The following DIAPH2 variants were observed in gnomAD, a reference collection of about 807,000 sequenced individuals.
The protein encoded by DIAPH2 is protein diaphanous homolog 2.
Under a neutral mutation model 92.7 loss-of-function variants are expected in DIAPH2, and 35 were observed. The ratio of observed to expected loss-of-function variants is 0.38; its 90% CI spans 0.29 to 0.50. DIAPH2 has a LOEUF of 0.50. Ranked by LOEUF, DIAPH2 falls within the 20% of genes least tolerant of loss-of-function variation. DIAPH2 has a pLI of 0.94. For missense variants in DIAPH2, 701 were observed against 819.5 expected, an observed-to-expected ratio of 0.86 and a Z score of 1.77; for synonymous variants, 301 against 280.4, an observed-to-expected ratio of 1.07 and a Z score of -0.73.
At chrX:96,733,703 G>C (rs2064070006) in intron 1 of DIAPH2, among the ~76,000 whole-genome samples, 1 of 111,693 alleles carries the variant, frequency 9.0e-6, no homozygotes, top group Non-Finnish European at 1.9e-5. Flanking sequence ...AGATAGATTA[G>C]GAAGTCACTA....
chrX:97,474,431 C>T (rs904732881), intron 26 of DIAPH2, among the ~76,000 whole-genome samples: 1 of 111,682 alleles, frequency 9.0e-6, no homozygotes, highest in African/African-American at 3.3e-5. Flanking sequence ...AGTTTTAAAC[C>T]TTTTCAAATA....
chrX:96,939,977 T>A (rs1390436508), intron 12 of DIAPH2, among the ~76,000 whole-genome samples: 1 of 107,969 alleles, frequency 9.3e-6, no homozygotes, highest in African/African-American at 3.4e-5. Context: ...TAACATTTTT[T>A]AAAAGGTGTT....
intron 21 of DIAPH2, among the ~76,000 whole-genome samples, chrX:97,116,085 A>G: frequency 8.9e-6 from 1 of 112,152 alleles, no homozygotes; most frequent in Non-Finnish European, 1.9e-5. Context: ...GAAGTATATT[A>G]TAATGAGAAT....
intron 20 of DIAPH2, among the ~76,000 whole-genome samples, chrX:97,101,173 T>C (rs1225141000): frequency 9.0e-6 from 1 of 111,280 alleles, no homozygotes; most frequent in Non-Finnish European, 1.9e-5. Flanking sequence ...AGCAAGGGTA[T>C]ATACCCTCTG....
intron 4 of DIAPH2, among the ~76,000 whole-genome samples, chrX:96,853,585 A>G (rs1050296079): frequency 1.6e-4 from 18 of 111,229 alleles, no homozygotes; most frequent in African/African-American, 4.9e-4. Flanking sequence ...AATGTATTCA[A>G]ATACATTCAC....
chrX:97,232,378 G>T (rs1163207020), intron 22 of DIAPH2, among the ~76,000 whole-genome samples: 1 of 111,426 alleles, frequency 9.0e-6, no homozygotes, highest in Non-Finnish European at 1.9e-5. Context: ...GGGATTACAG[G>T]CGTGTGCCGT....
chrX:97,218,706 A>G (rs906301592), intron 22 of DIAPH2, among the ~76,000 whole-genome samples: 3 of 111,745 alleles, frequency 2.7e-5, no homozygotes, highest in Non-Finnish European at 3.8e-5. Flanking sequence ...AAGTCCTGAT[A>G]TAAAATGGCC....
intron 22 of DIAPH2, among the ~76,000 whole-genome samples, chrX:97,182,622 A>G (rs762959437): frequency 8.9e-6 from 1 of 112,030 alleles, no homozygotes; most frequent in South Asian, 3.7e-4. Flanking sequence ...ATTAGGAAGA[A>G]AGACTCAACA....
chrX:96,725,123 A>C (rs1004852335), intron 1 of DIAPH2, among the ~76,000 whole-genome samples: 9 of 112,302 alleles, frequency 8.0e-5, no homozygotes, highest in African/African-American at 2.9e-4. Flanking sequence ...CCAAATCATA[A>C]AAAGTAAAAA....
intron 20 of DIAPH2, among the ~76,000 whole-genome samples, chrX:97,100,622 A>G (rs1281993525): frequency 8.9e-6 from 1 of 111,921 alleles, no homozygotes; most frequent in East Asian, 2.8e-4. Context: ...TAGTTCCATT[A>G]TGGTCACCAA....
At chrX:97,275,293 G>A (rs1203879801) in intron 23 of DIAPH2, among the ~76,000 whole-genome samples, 16 of 81,611 alleles carry the variant, frequency 2.0e-4, no homozygotes, top group African/African-American at 4.6e-4. Flanking sequence ...CCTCCCTCCC[G>A]GGAGGGGCGG....
Position 96,816,698 on chromosome X carries a change from T to C in DIAPH2, c.447+58440T>C, listed in dbSNP as rs187684862. Among the ~76,000 whole-genome samples, 44 of 112,040 alleles carry C rather than the reference T, an allele frequency of 3.9e-4. No individual in the cohort carries two copies. The East Asian group carries it at 9.9e-3, about 25-fold the overall frequency. On this transcript the variant is annotated intron_variant, in intron 4 of 26. Transcript: ENST00000324765. ...CCAAAAATTTAAAATTGAGCTACCATATGATCCAGCAGTCCCACTGCTGGG... is the reference window on the plus strand; with the variant it reads ...CCAAAAATTTAAAATTGAGCTACCACATGATCCAGCAGTCCCACTGCTGGG...
At chrX:97,543,670 A>G (rs1002478068) in intron 26 of DIAPH2, among the ~76,000 whole-genome samples, 4 of 109,442 alleles carry the variant, frequency 3.7e-5, no homozygotes, top group Non-Finnish European at 5.7e-5. Context: ...ACACCCGGCT[A>G]ATTTTTTATA....
At chrX:97,392,867 G>A (rs761297509) in intron 25 of DIAPH2, among the ~76,000 whole-genome samples, 3 of 111,643 alleles carry the variant, frequency 2.7e-5, no homozygotes, top group African/African-American at 6.5e-5. Context: ...TTGATTATAC[G>A]TTAATGGCAT....
intron 4 of DIAPH2, among the ~76,000 whole-genome samples, chrX:96,783,147 AC>A (rs1351947833): frequency 1.8e-5 from 2 of 111,749 alleles, no homozygotes; most frequent in African/African-American, 6.5e-5. Context: ...GTGGGGATCT[AC>A]TGTGGTGGTT....
intron 25 of DIAPH2, among the ~76,000 whole-genome samples, chrX:97,396,342 G>A (rs936113651): frequency 2.7e-5 from 3 of 110,526 alleles, no homozygotes; most frequent in African/African-American, 9.9e-5. Context: ...TTGAATTCCC[G>A]AGCCCCTGGG....
At chrX:97,064,506 C>T (rs1327525734) in intron 17 of DIAPH2, among the ~76,000 whole-genome samples, 1 of 110,176 alleles carries the variant, frequency 9.1e-6, no homozygotes, top group South Asian at 3.9e-4. Context: ...AACACATACC[C>T]CACCCCCCTC....
At chrX:97,464,338 A>G (rs1274397949) in intron 26 of DIAPH2, among the ~76,000 whole-genome samples, 12 of 98,567 alleles carry the variant, frequency 1.2e-4, no homozygotes, top group African/African-American at 3.7e-4. Flanking sequence ...TTAGCCGGGC[A>G]TGGTGGCACA....
intron 26 of DIAPH2, among the ~76,000 whole-genome samples, chrX:97,563,444 T>TCATAG (rs761049816): frequency 4.5e-5 from 5 of 111,599 alleles, no homozygotes; most frequent in Non-Finnish European, 7.5e-5. Flanking sequence ...AAAAAAACTA[T>TCATAG]CATAGCATGG....
Sources: allele counts gnomAD v4.1 joint callset (sites outside exome capture counted in the v4.1 genomes callset), GRCh38; gene constraint gnomAD v4.1.1; transcripts MANE v1.5; gene names NCBI Gene and HGNC (gene_info 2026-07-23, HGNC 2026-07-21).